Variants in CEACAM3 observed in about 807,000 individuals in gnomAD.
CEACAM3 encodes cell adhesion molecule CEACAM3.
A neutral mutation model predicts 30.1 loss-of-function variants in CEACAM3; 32 were observed. That is an observed-to-expected ratio of 1.06 (90% CI 0.80 to 1.43). The LOEUF is 1.43. Ranked by LOEUF, CEACAM3 falls within the 40% of genes most tolerant of loss-of-function variation. The probability of loss-of-function intolerance (pLI) is 0.00; values close to 1 mark genes in which losing one functional copy is unlikely to be tolerated. For synonymous variants in CEACAM3, 134 were observed against 127.2 expected (o/e 1.05, Z -0.36); for missense variants, 290 against 316.3 (o/e 0.92, Z 0.63).
chr19:41,805,292 T>A (rs1157046462), intron 2 of CEACAM3, among the ~76,000 whole-genome samples: 1 of 147,766 alleles, frequency 6.8e-6, no homozygotes, highest in East Asian at 1.9e-4. Flanking sequence ...CTTCTTTTTT[T>A]TTTTTTTTTT....
chr19:41,807,377 C>G (rs2123016892), intron 2 of CEACAM3: 1 of 1,602,054 alleles, frequency 6.2e-7, no homozygotes, highest in East Asian at 2.3e-5. Context: ...CCCAGTCACG[C>G]TGAATGTCCT....
chr19:41,810,145 C>A, intron 4 of CEACAM3, 128 bp downstream of exon 4: 1 of 1,298,158 alleles, frequency 7.7e-7, no homozygotes, highest in Non-Finnish European at 1.1e-6. Flanking sequence ...TCTCATAAAA[C>A]ATCACACAGG....
At chr19:41,810,920 C>G in intron 6 of CEACAM3, 23 bp downstream of exon 6, 2 of 1,608,088 alleles carry the variant, frequency 1.2e-6, no homozygotes, top group South Asian at 1.1e-5. Context: ...CACGGATGTT[C>G]TGGTCCCACA....
chr19:41,803,801 C>T (rs929446753), intron 2 of CEACAM3, among the ~76,000 whole-genome samples: 26 of 151,998 alleles, frequency 1.7e-4, no homozygotes, highest in South Asian at 4.2e-4. Flanking sequence ...GGGAAAAGGC[C>T]GGGCGTGGTT....
At chr19:41,810,642 G>T (rs2073241931) in intron 5 of CEACAM3, among the ~76,000 whole-genome samples, 190 bp from the exon 6 acceptor site, 1 of 152,172 alleles carries the variant, frequency 6.6e-6, no homozygotes, top group Non-Finnish European at 1.5e-5. Context: ...CATTAACAAG[G>T]GTGCAGGGTG....
rs538553931 is a variant in CEACAM3, at chr19:41,805,516, C to T, written c.425-3297C>T. 9.9e-4 allele frequency among the ~76,000 whole-genome samples: 150 copies of T among 151,736 alleles called. 1 individual carries two copies. Among genetic ancestry groups the T allele is most frequent in the African/African-American group, 3.5e-3 (145 of 41,386 alleles). ...GTTGGCCAGGCTGGTCTGGAACTCCCGACCTCAGGTGATCCGCCCGCCTCA... is the reference window on the plus strand; with the variant it reads ...GTTGGCCAGGCTGGTCTGGAACTCCTGACCTCAGGTGATCCGCCCGCCTCA... On this transcript the variant is annotated intron_variant, in intron 2 of 6. Coordinates refer to ENST00000357396, the MANE Select transcript of CEACAM3 (RefSeq NM_001815.5).
At position 41,810,203 on chromosome 19, in the gene CEACAM3, G is replaced by T. The variant is rs2073237826; in HGVS notation, c.596-120G>T. 3 of 1,386,718 alleles carry T rather than the reference G, an allele frequency of 2.2e-6. No individual in the cohort carries two copies. The East Asian group carries it at 7.2e-5, about 33-fold the overall frequency. The allele number at this position is 1,386,718 out of a possible 1,614,324, so 85.9% of individuals were successfully genotyped here. Reference sequence around the variant, plus strand: ...CCCTCACCTGTGGGCTCTGGGTCATGGGTCACCTCCCCAACCTCAGCTGCT... The same window carrying T: ...CCCTCACCTGTGGGCTCTGGGTCATTGGTCACCTCCCCAACCTCAGCTGCT... On this transcript the variant is annotated intron_variant, in intron 4 of 6. Coordinates refer to ENST00000357396, the MANE Select transcript of CEACAM3 (RefSeq NM_001815.5).
At chr19:41,809,883 T>G (rs734107) in intron 3 of CEACAM3, 82 bp from the exon 4 acceptor site, 838,606 of 1,393,968 alleles carry the variant, frequency 0.6, 256,723 homozygotes, top group Middle Eastern at 0.75. Context: ...TGAAAATGGG[T>G]TTCCCTTCTT....
rs541317196 is a variant in CEACAM3, at chr19:41,807,688, C to T, written c.425-1125C>T. The T allele has an allele frequency of 1.7e-5, 18 of 1,065,782 alleles. No homozygotes were observed. In the African/African-American group the frequency reaches 2.6e-4, roughly 16 times the overall value. The allele number at this position is 1,065,782 out of a possible 1,614,324, so 66.0% of individuals were successfully genotyped here. A position where few individuals can be genotyped will look rare whatever the true frequency, so the allele number is the denominator to read the frequency against. ...AGGACTTCAAGGTTGTGACTTGGCT[C>T]ACAGGGACACTGTGGCTCTTCCACA... On this transcript the variant is annotated intron_variant, in intron 2 of 6. Transcript: ENST00000357396.
intron 2 of CEACAM3, among the ~76,000 whole-genome samples, chr19:41,802,099 G>A (rs1197493590): frequency 2.0e-5 from 3 of 152,108 alleles, no homozygotes; most frequent in South Asian, 2.1e-4. Flanking sequence ...GCTTACTCTC[G>A]CCATCTTAAT....
At chr19:41,802,243 G>C (rs552381734) in intron 2 of CEACAM3, among the ~76,000 whole-genome samples, 1 of 152,236 alleles carries the variant, frequency 6.6e-6, no homozygotes, top group East Asian at 1.9e-4. Flanking sequence ...CAGCTATGGG[G>C]CTCCCATCCT....
chr19:41,803,444 G>A (rs2073169301), intron 2 of CEACAM3, among the ~76,000 whole-genome samples: 1 of 139,314 alleles, frequency 7.2e-6, no homozygotes, highest in Non-Finnish European at 1.6e-5. Flanking sequence ...GTGTGTGTGT[G>A]TGTGTGTGTG....
chr19:41,801,754 C>G (rs563877064), intron 2 of CEACAM3, among the ~76,000 whole-genome samples: 1 of 152,098 alleles, frequency 6.6e-6, no homozygotes, highest in African/African-American at 2.4e-5. Flanking sequence ...GGGTCACAGT[C>G]CAGGTGGAGT....
At position 41,811,223 on chromosome 19, in the gene CEACAM3, G is replaced by A. The variant is rs1488706442; in HGVS notation, c.745G>A (p.Glu249Lys). 2 of 1,613,842 alleles carry A rather than the reference G, an allele frequency of 1.2e-6. No homozygotes were observed. The change falls in exon 7 of 7, where the codon GAA becomes AAA. Residue 249 changes from glutamate to lysine, a missense_variant. Transcript: ENST00000357396. ...NIYCRMDHKAEVAS is the reference protein window; with the variant it reads ...NIYCRMDHKAKVAS ...TTACTGCCGGATGGACCACAAAGCA[G>A]AAGTGGCTTCTTAGCTTCCTCCAGG...
At chr19:41,801,227 C>T (rs1447001398) in intron 2 of CEACAM3, among the ~76,000 whole-genome samples, 1 of 152,200 alleles carries the variant, frequency 6.6e-6, no homozygotes, top group African/African-American at 2.4e-5. Flanking sequence ...TTCCCACTCA[C>T]ACTGTGGCCT....
intron 2 of CEACAM3, among the ~76,000 whole-genome samples, chr19:41,806,005 T>TTGTTGTTGTTG: frequency 2.3e-5 from 1 of 43,382 alleles, no homozygotes; most frequent in Non-Finnish European, 1.0e-4. Flanking sequence ...GTTGTTGTTG[T>TTGTTGTTGTTG]TTGTTGTTGT....
chr19:41,801,031 G>A lies in CEACAM3; in HGVS notation c.424+3083G>A, dbSNP rs112299983. Among the ~76,000 whole-genome samples the A allele has an allele frequency of 7.9e-3, 1,207 of 152,202 alleles. 19 individuals carry two copies. Among genetic ancestry groups the A allele is most frequent in the African/African-American group, 0.023 (964 of 41,502 alleles). On this transcript the variant is annotated intron_variant, in intron 2 of 6. Coordinates refer to ENST00000357396, the MANE Select transcript of CEACAM3 (RefSeq NM_001815.5). Reference sequence around the variant, plus strand: ...ATAACCAGGGGTCTCCTGGTCCCTAGGGTCTCTGAGGTCACTGTAGTCCCC... The same window carrying A: ...ATAACCAGGGGTCTCCTGGTCCCTAAGGTCTCTGAGGTCACTGTAGTCCCC...
intron 2 of CEACAM3, among the ~76,000 whole-genome samples, chr19:41,804,148 A>G (rs1368164039): frequency 2.0e-5 from 3 of 152,122 alleles, no homozygotes; most frequent in Non-Finnish European, 2.9e-5. Context: ...AAGATTTTGT[A>G]TTGACAATGG....
Position 41,796,657 on chromosome 19 carries a change from A to G in CEACAM3, c.-21A>G. 6.2e-7 allele frequency: 1 copy of G among 1,613,998 alleles called. No homozygotes were observed. On this transcript the variant is annotated 5_prime_UTR_variant, in exon 1 of 7. Coordinates refer to ENST00000357396, the MANE Select transcript of CEACAM3 (RefSeq NM_001815.5). ...CCCAGGCTCTTTTCCACAGAGGAGG[A>G]AAGAGCAGGCAGCAGAGACCATGGG... is the stretch of plus-strand genomic sequence containing the variant.
Sources: allele counts gnomAD v4.1 joint callset (sites outside exome capture counted in the v4.1 genomes callset), GRCh38; gene constraint gnomAD v4.1.1; transcripts MANE v1.5; gene names NCBI Gene and HGNC (gene_info 2026-07-23, HGNC 2026-07-21).